HELZ2: variants seen among roughly 807,000 people sequenced by gnomAD.
HELZ2 encodes helicase with zinc finger 2, also known as 3'-5' exoribonuclease HELZ2.
HELZ2 carries 143 observed loss-of-function variants against 208.8 expected under a neutral mutation model. That is an observed-to-expected ratio of 0.68 (90% CI 0.60 to 0.79). The LOEUF is 0.79. Among genes scored for constraint, HELZ2 ranks in the 30% least tolerant of loss-of-function variants. The pLI is 0.00. For synonymous variants in HELZ2, 1,705 were observed against 1,693.7 expected, an observed-to-expected ratio of 1.01 and a Z score of -0.16; for missense variants, 3,690 against 3,794.5, an observed-to-expected ratio of 0.97 and a Z score of 0.72.
chr20:63,568,932 C>G (rs139878959), exon 5 of HELZ2: 1 of 1,608,418 alleles, frequency 6.2e-7, no homozygotes, highest in Non-Finnish European at 8.5e-7. Context: ...CCCGGAGGCG[C>G]GAAGAGCATG....
Position 63,563,959 on chromosome 20 carries a change from C to A in HELZ2, c.4863G>T (p.Leu1621Phe), listed in dbSNP as rs1462022047. 1.9e-6 allele frequency: 3 copies of A among 1,596,096 alleles called. No homozygotes were observed. The African/African-American group carries it at 4.0e-5, about 21-fold the overall frequency. The stretch of plus-strand genomic sequence containing the variant: ...ATGGGTGCATGTCGTCCGTGGTGAC[C>A]AAGTCCACCATCTGTTCGTAGTCCT... The change falls in exon 8 of 19, where the codon TTG becomes TTT. Residue 1621 changes from leucine (L) to phenylalanine (F), a missense_variant. By Grantham distance (22) the Leu-to-Phe change is conservative. Coordinates refer to ENST00000467148, the Ensembl canonical transcript of HELZ2.
chr20:63,559,404 GGGTC>G (rs759958888), intron 18 of HELZ2, 34 bp from the exon 20 acceptor site: 1 of 1,523,442 alleles, frequency 6.6e-7, no homozygotes, highest in Non-Finnish European at 8.9e-7. Flanking sequence ...GAGTCAGTCA[GGGTC>G]AGGTGGGAGG....
Position 63,561,929 on chromosome 20 carries a change from GT to G in HELZ2, c.6584del (p.Asn2195ThrfsTer40), listed in dbSNP as rs1569029157. ...GGCCTCCGGGCTGCACCTGCTCCTGGTTTGATTTATGAAACCAGAATACGAT... is the reference window on the plus strand; with the variant it reads ...GGCCTCCGGGCTGCACCTGCTCCTGGTTGATTTATGAAACCAGAATACGAT... On this transcript the variant is annotated frameshift_variant, in exon 11 of 19. Coordinates refer to ENST00000467148, the Ensembl canonical transcript of HELZ2. LOFTEE classifies it high-confidence loss of function. 6.2e-7 allele frequency: 1 copy of G among 1,600,266 alleles called. No individual in the cohort carries two copies. The highest frequency in any genetic ancestry group is 2.2e-5 in the East Asian group (1 of 44,502).
In HELZ2 at chr20:63,563,277, C is replaced by A; in HGVS notation, c.5545G>T (p.Glu1849Ter). The change falls in exon 8 of 19, where the codon GAG becomes TAG. Residue 1849 changes from glutamate to a stop codon, truncating the protein, a stop_gained. Transcript: ENST00000467148. LOFTEE classifies it high-confidence loss of function. ...CGCCGCTGGGACGCCTCGCCCTTCT[C>A]CTGGATGAGAGCAGCCGCCTCCGGC... 6.4e-7 allele frequency: 1 copy of A among 1,554,406 alleles called. No individual in the cohort carries two copies. Among genetic ancestry groups the A allele is most frequent in the East Asian group, 2.4e-5 (1 of 42,076 alleles).
At chr20:63,565,720 C>T (rs1423929092) in exon 8 of HELZ2, 22 of 1,606,254 alleles carry the variant, frequency 1.4e-5, no homozygotes, top group Non-Finnish European at 1.8e-5. Context: ...CCCCGGGCAC[C>T]ACGTCTTCCT....
chr20:63,568,510 G>C (rs769286865), exon 5 of HELZ2: 1 of 1,584,478 alleles, frequency 6.3e-7, no homozygotes, highest in Admixed American at 1.8e-5. Flanking sequence ...CCCAGCCCGC[G>C]ATGAGCGCCA....
intron 18 of HELZ2, among the ~76,000 whole-genome samples, chr20:63,559,713 G>C (rs1413547946): frequency 2.3e-5 from 2 of 87,642 alleles, no homozygotes; most frequent in Non-Finnish European, 5.0e-5. Context: ...AGGGTCAGGT[G>C]GGAGTCAGTC....
exon 8 of HELZ2, chr20:63,564,624 C>G (rs774870231): frequency 1.3e-6 from 2 of 1,568,516 alleles, no homozygotes; most frequent in African/African-American, 1.3e-5. Context: ...GGCTCCCTGC[C>G]GGGGGCATAG....
intron 5 of HELZ2, 109 bp downstream of exon 6, chr20:63,568,249 G>T: frequency 1.2e-6 from 1 of 855,580 alleles, no homozygotes; most frequent in Non-Finnish European, 1.9e-6. Context: ...GTCGGCTACA[G>T]GGAGTGCAGA....
intron 18 of HELZ2, 80 bp downstream of exon 19, chr20:63,559,848 A>G: frequency 1.3e-6 from 2 of 1,497,144 alleles, no homozygotes; most frequent in East Asian, 2.3e-5. Flanking sequence ...AGTCAGGGTC[A>G]GGCAGGAGTC....
exon 13 of HELZ2, chr20:63,561,360 C>G: frequency 1.2e-6 from 2 of 1,613,018 alleles, no homozygotes; most frequent in South Asian, 1.1e-5. Flanking sequence ...CAGACCAGGT[C>G]CTCCCTGGAG....
At chr20:63,562,575 G>T in exon 8 of HELZ2, 1 of 1,598,722 alleles carries the variant, frequency 6.3e-7, no homozygotes, top group South Asian at 1.1e-5. Flanking sequence ...CCCGGCCTCA[G>T]CACCTCTTCC....
Position 63,560,787 on chromosome 20 carries a change from G to C in HELZ2, c.7281+8C>G. Reference sequence around the variant, plus strand: ...AGGTGGGCTGGGGGCTGAGTGGGGCGGGCTCACCATGCGGTACTGAGTGTC... The same window carrying C: ...AGGTGGGCTGGGGGCTGAGTGGGGCCGGCTCACCATGCGGTACTGAGTGTC... On this transcript the variant is annotated splice_region_variant and intron_variant, in intron 15 of 18. Coordinates refer to ENST00000467148, the Ensembl canonical transcript of HELZ2. 6.2e-7 allele frequency: 1 copy of C among 1,608,608 alleles called. No individual in the cohort carries two copies. The highest frequency in any genetic ancestry group is 8.5e-7 in the Non-Finnish European group (1 of 1,177,724).
chr20:63,562,317 C>T (rs1304596570), exon 9 of HELZ2: 5 of 1,599,084 alleles, frequency 3.1e-6, no homozygotes, highest in South Asian at 2.2e-5. Flanking sequence ...GACAGGCCGG[C>T]CCAGTGCGAT....
downstream of HELZ2, chr20:63,558,828 C>T (rs947912498): frequency 3.4e-4 from 52 of 154,974 alleles, no homozygotes; most frequent in Non-Finnish European, 4.4e-4. Flanking sequence ...TGAGCCACCA[C>T]GCCCGGCAGG....
At chr20:63,564,518 T>G in exon 8 of HELZ2, 4 of 1,582,856 alleles carry the variant, frequency 2.5e-6, no homozygotes, top group Non-Finnish European at 8.6e-7. Flanking sequence ...GCCACTGGCC[T>G]TCTCCATGGT....
chr20:63,559,567 G>A (rs865779034), intron 18 of HELZ2, among the ~76,000 whole-genome samples, 197 bp from the exon 20 acceptor site: 3 of 64,872 alleles, frequency 4.6e-5, no homozygotes, highest in Admixed American at 2.7e-4. Flanking sequence ...GAGGAGTCAG[G>A]GTCAGGTGGG....
intron 6 of HELZ2, among the ~76,000 whole-genome samples, 165 bp downstream of exon 7, chr20:63,566,679 C>CGGGGATGAG (rs1600979046): frequency 1.8e-4 from 27 of 151,618 alleles, no homozygotes; most frequent in African/African-American, 3.2e-4. Flanking sequence ...CCACCAAGCT[C>CGGGGATGAG]CAGACACCTC....
chr20:63,559,752 GTGGGAGGAGTCAGGGTCAGA>G (rs2082862677), intron 18 of HELZ2, among the ~76,000 whole-genome samples, 156 bp downstream of exon 19: 5 of 107,416 alleles, frequency 4.7e-5, no homozygotes, highest in South Asian at 4.5e-4. Flanking sequence ...TCAGGGTCAG[GTGGGAGGAGTCAGGGTCAGA>G]TGGGAGTCAG....
Sources: allele counts gnomAD v4.1 joint callset (sites outside exome capture counted in the v4.1 genomes callset), GRCh38; gene constraint gnomAD v4.1.1; transcripts MANE v1.5; gene names NCBI Gene and HGNC (gene_info 2026-07-23, HGNC 2026-07-21).